The following TNFRSF10D variants were observed in gnomAD, a reference collection of about 807,000 sequenced individuals.
TNFRSF10D encodes TNF receptor superfamily member 10d.
In TNFRSF10D, 28 loss-of-function variants were observed where a neutral mutation model predicts 42.1. The observed-to-expected ratio is 0.66, with a 90% CI of 0.49 to 0.91. The LOEUF (loss-of-function observed/expected upper bound fraction) is 0.91, where lower values mean the gene tolerates loss of function less well. TNFRSF10D is among the 40% of genes least tolerant of loss of function. TNFRSF10D has a pLI of 0.00. For missense variants in TNFRSF10D, 503 were observed against 486.1 expected, an observed-to-expected ratio of 1.03 and a Z score of -0.33; for synonymous variants, 186 against 189.4, an observed-to-expected ratio of 0.98 and a Z score of 0.15.
chr8:23,149,213 GA>G (rs989645279), intron 2 of TNFRSF10D, among the ~76,000 whole-genome samples: 4 of 141,922 alleles, frequency 2.8e-5, no homozygotes, highest in African/African-American at 1.0e-4. Context: ...AAAAAGAAAA[GA>G]AAAGAAAAGA....
chr8:23,146,429 G>A (rs1056438077), intron 4 of TNFRSF10D, among the ~76,000 whole-genome samples: 1 of 152,164 alleles, frequency 6.6e-6, no homozygotes, highest in African/African-American at 2.4e-5. Context: ...GAAATCGGGG[G>A]CCAGGGGTGA....
At chr8:23,141,504 C>CAAA (rs59373667) in intron 7 of TNFRSF10D, among the ~76,000 whole-genome samples, 1 of 133,392 alleles carries the variant, frequency 7.5e-6, no homozygotes, top group Non-Finnish European at 1.6e-5. Flanking sequence ...GAGTACATCT[C>CAAA]AAAAAAAAAA....
At chr8:23,151,224 C>T (rs1800208534) in intron 2 of TNFRSF10D, among the ~76,000 whole-genome samples, 2 of 152,212 alleles carry the variant, frequency 1.3e-5, no homozygotes, top group South Asian at 2.1e-4. Flanking sequence ...AGAAAACCTA[C>T]AGGCCAGGAG....
intron 7 of TNFRSF10D, among the ~76,000 whole-genome samples, chr8:23,143,224 C>A (rs1800058080): frequency 6.6e-6 from 1 of 152,180 alleles, no homozygotes; most frequent in Non-Finnish European, 1.5e-5. Flanking sequence ...GATCCACCCT[C>A]CTCGGCCTCC....
At chr8:23,155,815 T>TTCTCTCTC (rs57189946) in intron 1 of TNFRSF10D, among the ~76,000 whole-genome samples, 1,503 of 150,232 alleles carry the variant, frequency 0.01, 9 homozygotes, top group East Asian at 0.024. Flanking sequence ...TGGGTGAATA[T>TTCTCTCTC]TCTCTCTCTC....
At position 23,138,151 on chromosome 8, in the gene TNFRSF10D, T is replaced by C. The variant is rs150284691; in HGVS notation, c.1027+37A>G. ...CAGTTAGGACACCGTCCCTATTCCC[T>C]GTCCTCCTGCTGCGTCTCAAGGCAC... On this transcript the variant is annotated intron_variant, in intron 8 of 8. Transcript: ENST00000312584. The C allele has an allele frequency of 2.0e-4, 319 of 1,613,696 alleles. 1 individual carries two copies. In the African/African-American group the frequency reaches 3.8e-3, roughly 19 times the overall value.
chr8:23,145,577 G>A, intron 5 of TNFRSF10D, 91 bp downstream of exon 5: 2 of 1,584,892 alleles, frequency 1.3e-6, no homozygotes, highest in Non-Finnish European at 1.7e-6. Flanking sequence ...CTTGGACCAG[G>A]GGCAGGGATG....
chr8:23,140,613 C>A (rs535002241), intron 7 of TNFRSF10D, among the ~76,000 whole-genome samples: 1 of 152,272 alleles, frequency 6.6e-6, no homozygotes, highest in East Asian at 1.9e-4. Flanking sequence ...ATCAAATTAC[C>A]AATGTCATTT....
intron 2 of TNFRSF10D, among the ~76,000 whole-genome samples, chr8:23,150,544 T>A (rs960058830): frequency 3.3e-5 from 5 of 152,128 alleles, no homozygotes; most frequent in Non-Finnish European, 7.4e-5. Context: ...GAAGCACAAG[T>A]AACCAACCCG....
Position 23,145,896 on chromosome 8 carries a change from T to C in TNFRSF10D, c.508A>G (p.Ser170Gly). 2 of 1,614,186 alleles carry C rather than the reference T, an allele frequency of 1.2e-6. No individual in the cohort carries two copies. Among genetic ancestry groups the C allele is most frequent in the Non-Finnish European group, 1.7e-6 (2 of 1,180,020 alleles). ...ATGTCACTCCGGGGCGTACAATTAC[T>C]GACCTTGACCATCCCTCTGGGACAC... ...TGCPRGMVKV[S>G]NCTPRSDIKC... The change falls in exon 5 of 9, where the codon AGT becomes GGT. Residue 170 changes from serine to glycine, a missense_variant. Coordinates refer to ENST00000312584, the MANE Select transcript of TNFRSF10D (RefSeq NM_003840.5).
chr8:23,153,877 T>C (rs1469765466), intron 2 of TNFRSF10D, among the ~76,000 whole-genome samples: 2 of 152,134 alleles, frequency 1.3e-5, no homozygotes, highest in Non-Finnish European at 2.9e-5. Context: ...TGTGTATACA[T>C]CCAAAGGAAA....
At chr8:23,152,311 C>A (rs753669973) in intron 2 of TNFRSF10D, among the ~76,000 whole-genome samples, 1 of 152,188 alleles carries the variant, frequency 6.6e-6, no homozygotes, top group East Asian at 1.9e-4. Flanking sequence ...AGGACACTAA[C>A]CGGTGTGTGG....
At chr8:23,152,172 G>T (rs150128104) in intron 2 of TNFRSF10D, among the ~76,000 whole-genome samples, 877 of 152,062 alleles carry the variant, frequency 5.8e-3, no homozygotes, top group African/African-American at 0.018. Flanking sequence ...TGTCAATTAG[G>T]GAAAACACAG....
intron 7 of TNFRSF10D, among the ~76,000 whole-genome samples, chr8:23,139,384 T>C (rs541832451): frequency 6.6e-6 from 1 of 152,328 alleles, no homozygotes; most frequent in African/African-American, 2.4e-5. Context: ...AAACGGCAAC[T>C]GAGGTTTTTC....
At chr8:23,155,581 T>A (rs532026315) in intron 1 of TNFRSF10D, among the ~76,000 whole-genome samples, 37 of 151,886 alleles carry the variant, frequency 2.4e-4, no homozygotes, top group Admixed American at 1.1e-3. Flanking sequence ...TAGCTGGGCA[T>A]GGTGGCGGGC....
At chr8:23,157,281 GTTATA>G (rs1478054695) in intron 1 of TNFRSF10D, among the ~76,000 whole-genome samples, 2 of 152,104 alleles carry the variant, frequency 1.3e-5, no homozygotes, top group African/African-American at 4.8e-5. Context: ...CAGTTTTGCT[GTTATA>G]TTATTATTAT....
chr8:23,163,534 C>T (rs1020588474), intron 1 of TNFRSF10D, among the ~76,000 whole-genome samples: 1 of 152,224 alleles, frequency 6.6e-6, no homozygotes, highest in African/African-American at 2.4e-5. Flanking sequence ...TCCTCTGGGG[C>T]AGCTCAGTGC....
intron 1 of TNFRSF10D, among the ~76,000 whole-genome samples, chr8:23,163,079 G>T (rs1322641631): frequency 7.3e-6 from 1 of 136,528 alleles, no homozygotes; most frequent in Admixed American, 7.9e-5. Context: ...AGGCTGCCAC[G>T]CCTGGCTAAC....
rs528683161 is a variant in TNFRSF10D, at chr8:23,155,508, A to G, written c.151-529T>C. Among the ~76,000 whole-genome samples the G allele has an allele frequency of 3.1e-4, 47 of 152,244 alleles. 1 individual carries two copies. The highest frequency in any genetic ancestry group is 3.4e-3 in the Middle Eastern group (1 of 294). On this transcript the variant is annotated intron_variant, in intron 1 of 8. Transcript: ENST00000312584. The stretch of plus-strand genomic sequence containing the variant: ...GCCAAAGTGGGTGGATCATGAGGTC[A>G]GGAGATTGAGACCATCCTGGTTAAC...
Sources: gnomAD v4.1 joint callset for allele counts (sites outside exome capture counted in the v4.1 genomes callset) on GRCh38, gnomAD v4.1.1 for gene constraint, MANE v1.5 for transcripts, NCBI Gene and HGNC (gene_info 2026-07-23, HGNC 2026-07-21) for gene names.